The following CDCA2 variants were observed in gnomAD, a reference collection of about 807,000 sequenced individuals.
CDCA2 encodes cell division cycle associated 2.
In CDCA2, 44 loss-of-function variants were observed where a neutral mutation model predicts 67.0. That is an observed-to-expected ratio of 0.66 (90% CI 0.52 to 0.84). The LOEUF (loss-of-function observed/expected upper bound fraction) is 0.84. Among genes scored for constraint, CDCA2 ranks in the 40% least tolerant of loss-of-function variants. CDCA2 has a pLI of 0.00. For missense variants in CDCA2, 1,253 were observed against 1,203.2 expected (o/e 1.04, Z -0.61); for synonymous variants, 447 against 418.7 (o/e 1.07, Z -0.82).
At chr8:25,486,302 A>G (rs947126212) in intron 11 of CDCA2, among the ~76,000 whole-genome samples, 1 of 152,174 alleles carries the variant, frequency 6.6e-6, no homozygotes, top group Non-Finnish European at 1.5e-5. Flanking sequence ...CTGACAAACC[A>G]GGACTTAGCT....
chr8:25,504,287 AT>A (rs200400976), intron 14 of CDCA2, among the ~76,000 whole-genome samples: 41,483 of 142,142 alleles, frequency 0.29, 5,665 homozygotes, highest in East Asian at 0.35. Context: ...AATAATAATG[AT>A]TTTTTTTTTT....
chr8:25,473,216 T>C (rs1009807862), intron 7 of CDCA2, among the ~76,000 whole-genome samples: 1 of 152,248 alleles, frequency 6.6e-6, no homozygotes, highest in Non-Finnish European at 1.5e-5. Flanking sequence ...AGTATTCTGC[T>C]GTGTGTATAT....
chr8:25,480,160 TA>T, intron 8 of CDCA2, 36 bp downstream of exon 8: 1 of 1,533,566 alleles, frequency 6.5e-7, no homozygotes. Flanking sequence ...AGCAAATGAA[TA>T]AAAATGCATT....
At chr8:25,499,701 T>G (rs1804393457) in intron 13 of CDCA2, among the ~76,000 whole-genome samples, 1 of 152,250 alleles carries the variant, frequency 6.6e-6, no homozygotes, top group Non-Finnish European at 1.5e-5. Flanking sequence ...TACTTCTGCC[T>G]CCTGACCTCC....
Position 25,506,515 on chromosome 8 carries a change from T to C in CDCA2, c.1849T>C (p.Phe617Leu). The stretch of plus-strand genomic sequence containing the variant: ...ACCTATTTACATGCCCATAGGTTAT[T>C]TCAGTTCAAATGGCAAACTGGAAGA... ...PSIRRLGSGYFSSNGKLEEVK... is the reference protein window; with the variant it reads ...PSIRRLGSGYLSSNGKLEEVK... Residue 617 changes from phenylalanine (F) to leucine (L), a missense_variant, in exon 15 of 15, where the codon TTC becomes CTC. Transcript: ENST00000330560. 6.4e-7 allele frequency: 1 copy of C among 1,565,744 alleles called. No individual in the cohort carries two copies. Among genetic ancestry groups the C allele is most frequent in the African/African-American group, 1.4e-5 (1 of 72,620 alleles).
rs560718210 is a variant in CDCA2, at chr8:25,494,238, T to C, written c.1671+5549T>C. Among the ~76,000 whole-genome samples the C allele has an allele frequency of 1.2e-4, 19 of 152,176 alleles. No individual in the cohort carries two copies. In the South Asian group the frequency reaches 2.1e-3, roughly 17 times the overall value. On this transcript the variant is annotated intron_variant, in intron 13 of 14. Transcript: ENST00000330560. ...ACTTTGGGAGGCTGATATTGGAGGATTGCTTGAGGCCAGTAGTGCGAGACC... is the reference window on the plus strand; with the variant it reads ...ACTTTGGGAGGCTGATATTGGAGGACTGCTTGAGGCCAGTAGTGCGAGACC...
In CDCA2 at chr8:25,483,981, T is replaced by C; in HGVS notation, c.1136T>C (p.Phe379Ser). ...CTAATTATAGAAGATGAAGAAAATTTTGAAGCACCTGCCTTTCTAAATATG... is the reference window on the plus strand; with the variant it reads ...CTAATTATAGAAGATGAAGAAAATTCTGAAGCACCTGCCTTTCTAAATATG... The part of the protein sequence containing the change: ...KEKEAEDEEN[F>S]EAPAFLNMRK... Residue 379 changes from phenylalanine to serine, a missense_variant, in exon 10 of 15, where the codon TTT becomes TCT. Physicochemically the swap from Phe to Ser is radical, Grantham distance 155. Transcript: ENST00000330560. The C allele has an allele frequency of 6.2e-7, 1 of 1,613,314 alleles. No individual in the cohort carries two copies. Among genetic ancestry groups the C allele is most frequent in the Non-Finnish European group, 8.5e-7 (1 of 1,179,618 alleles).
chr8:25,480,043 G>A lies in CDCA2; in HGVS notation c.951G>A (p.Arg317=). ...CACCAGCTACTCCAGCCTGCAGGAG[G>A]GACCTTCCCACCCCCAAGACCTTTG... ...VRSPATPACR[R]DLPTPKTFVL... The change falls in exon 8 of 15, where the codon AGG becomes AGA. Residue 317 remains arginine (R), a synonymous_variant. Transcript: ENST00000330560. 6.2e-7 allele frequency: 1 copy of A among 1,614,120 alleles called. No homozygotes were observed. The highest frequency in any genetic ancestry group is 1.3e-5 in the African/African-American group (1 of 75,026).
chr8:25,488,067 T>C (rs762665033), intron 12 of CDCA2, among the ~76,000 whole-genome samples: 1 of 152,216 alleles, frequency 6.6e-6, no homozygotes, highest in Non-Finnish European at 1.5e-5. Flanking sequence ...TGCATGTCTT[T>C]TGCTATTTCG....
intron 5 of CDCA2, among the ~76,000 whole-genome samples, chr8:25,467,065 A>AAACAC (rs1468639428): frequency 7.9e-6 from 1 of 126,232 alleles, no homozygotes; most frequent in Non-Finnish European, 1.6e-5. Flanking sequence ...AAAAAAAAAA[A>AAACAC]ACACACACAC....
At chr8:25,480,826 A>G (rs892836016) in intron 8 of CDCA2, among the ~76,000 whole-genome samples, 1 of 152,220 alleles carries the variant, frequency 6.6e-6, no homozygotes, top group Non-Finnish European at 1.5e-5. Context: ...TTGGAAATGT[A>G]ATCACTGAGC....
intron 13 of CDCA2, among the ~76,000 whole-genome samples, chr8:25,497,355 C>T (rs896382016): frequency 1.3e-5 from 2 of 151,956 alleles, no homozygotes; most frequent in African/African-American, 2.4e-5. Flanking sequence ...TATGTGTGTA[C>T]ACACACAACA....
At chr8:25,480,443 A>G (rs3812418) in intron 8 of CDCA2, among the ~76,000 whole-genome samples, 6,404 of 152,264 alleles carry the variant, frequency 0.042, 179 homozygotes, top group South Asian at 0.12. Flanking sequence ...ATATAATTAT[A>G]TAAGTGATAT....
intron 13 of CDCA2, among the ~76,000 whole-genome samples, chr8:25,497,188 G>A (rs564379936): frequency 4.6e-5 from 7 of 152,064 alleles, no homozygotes; most frequent in Admixed American, 2.6e-4. Flanking sequence ...GAAACATTAC[G>A]GGGGTTCCTC....
intron 10 of CDCA2, among the ~76,000 whole-genome samples, chr8:25,485,119 A>T (rs886154189): frequency 6.6e-6 from 1 of 151,458 alleles, no homozygotes; most frequent in East Asian, 1.9e-4. Context: ...CAGCACACCA[A>T]CATGGCACGT....
chr8:25,505,327 A>C (rs886866970), intron 14 of CDCA2, among the ~76,000 whole-genome samples: 9 of 152,192 alleles, frequency 5.9e-5, no homozygotes, highest in African/African-American at 1.9e-4. Context: ...TCAGCCTCCC[A>C]GGTAGCTGGG....
rs756633774 is a variant in CDCA2, at chr8:25,498,928, T to C, written c.1672-4445T>C. Reference sequence around the variant, plus strand: ...GTTGAACCATATTTGTAATTGTCTCTAATAGAAAAAGAACCTTTAACTCTT... The same window carrying C: ...GTTGAACCATATTTGTAATTGTCTCCAATAGAAAAAGAACCTTTAACTCTT... On this transcript the variant is annotated intron_variant, in intron 13 of 14. Transcript: ENST00000330560. Among the ~76,000 whole-genome samples, 49 of 152,206 alleles carry C rather than the reference T, an allele frequency of 3.2e-4. 1 individual carries two copies. The highest frequency in any genetic ancestry group is 5.4e-4 in the Non-Finnish European group (37 of 68,026).
chr8:25,480,235 TC>T, intron 8 of CDCA2, 111 bp downstream of exon 8: 1 of 906,288 alleles, frequency 1.1e-6, no homozygotes, highest in Non-Finnish European at 1.6e-6. Context: ...AATGTCTTAC[TC>T]GTCTTACCGT....
rs767647125 is a variant in CDCA2 at position 25,507,337 on chromosome 8, C to T, written c.2671C>T (p.Arg891Ter). Residue 891 changes from arginine to a stop codon, truncating the protein, a stop_gained, in exon 15 of 15, where the codon CGA becomes TGA. Coordinates refer to ENST00000330560, the MANE Select transcript of CDCA2 (RefSeq NM_152562.4). LOFTEE classifies it low-confidence loss of function (END_TRUNC). ...GAGGAGAAATAGTGAAACCAAAGTG[C>T]GACGTAGCACGAGGCTACAGAAGGA... ...FQRRNSETKVRRSTRLQKDLE... is the reference protein window; with the variant it reads ...FQRRNSETKV 1.2e-6 allele frequency: 2 copies of T among 1,613,700 alleles called. No homozygotes were observed. The highest frequency in any genetic ancestry group is 1.7e-6 in the Non-Finnish European group (2 of 1,179,906).
Sources: gnomAD v4.1 joint callset for allele counts (sites outside exome capture counted in the v4.1 genomes callset) on GRCh38, gnomAD v4.1.1 for gene constraint, MANE v1.5 for transcripts, NCBI Gene and HGNC (gene_info 2026-07-23, HGNC 2026-07-21) for gene names.